The following MTA3 variants were observed in gnomAD, a reference collection of about 807,000 sequenced individuals.
MTA3 encodes the protein metastasis associated 1 family member 3.
A neutral mutation model predicts 83.5 loss-of-function variants in MTA3; 34 were observed. That is an observed-to-expected ratio of 0.41 (90% CI 0.31 to 0.54). The LOEUF is 0.54. Among genes scored for constraint, MTA3 ranks in the 20% least tolerant of loss-of-function variants. MTA3 has a pLI of 0.33. For synonymous variants in MTA3, 303 were observed against 252.7 expected (o/e 1.20, Z -1.89); for missense variants, 761 against 726.4 (o/e 1.05, Z -0.55).
At chr2:42,588,581 T>C (rs1680605252) in intron 3 of MTA3, among the ~76,000 whole-genome samples, 1 of 152,212 alleles carries the variant, frequency 6.6e-6, no homozygotes, top group African/African-American at 2.4e-5. Context: ...TTTAGGTTTT[T>C]TAACAAGTCA....
chr2:42,520,581 CCT>C (rs1675379147), intron 2 of MTA3, among the ~76,000 whole-genome samples: 1 of 151,934 alleles, frequency 6.6e-6, no homozygotes, highest in Non-Finnish European at 1.5e-5. Context: ...TTTTGTTCCT[CCT>C]TTTTTTTTTC....
chr2:42,550,100 A>C (rs1306402276), intron 2 of MTA3, among the ~76,000 whole-genome samples: 1 of 152,154 alleles, frequency 6.6e-6, no homozygotes, highest in Non-Finnish European at 1.5e-5. Flanking sequence ...AAAAGGTGAA[A>C]GTTCTCAGCT....
chr2:42,653,419 A>G (rs936970690), intron 6 of MTA3, among the ~76,000 whole-genome samples: 1 of 152,222 alleles, frequency 6.6e-6, no homozygotes, highest in Non-Finnish European at 1.5e-5. Context: ...CGTAGCTGAA[A>G]AAAACTTAAT....
chr2:42,645,140 C>G (rs183876123), intron 6 of MTA3, among the ~76,000 whole-genome samples: 268 of 145,940 alleles, frequency 1.8e-3, no homozygotes, highest in African/African-American at 6.6e-3. Flanking sequence ...TGCTACTCCA[C>G]ACTCCAGCCT....
intron 4 of MTA3, among the ~76,000 whole-genome samples, chr2:42,623,903 G>A (rs1015843506): frequency 2.6e-5 from 4 of 152,154 alleles, no homozygotes; most frequent in Non-Finnish European, 5.9e-5. Flanking sequence ...ATGGTGGCCA[G>A]CTGGTCTCGA....
intron 3 of MTA3, among the ~76,000 whole-genome samples, chr2:42,586,991 C>A (rs1680409243): frequency 6.6e-6 from 1 of 152,082 alleles, no homozygotes; most frequent in Non-Finnish European, 1.5e-5. Context: ...CCACTGCACT[C>A]CAGCCTGGTG....
At chr2:42,621,376 A>G (rs538568699) in intron 4 of MTA3, among the ~76,000 whole-genome samples, 3 of 152,304 alleles carry the variant, frequency 2.0e-5, no homozygotes, top group Admixed American at 2.0e-4. Context: ...AACAAAGCAC[A>G]TCTTGCACCG....
At chr2:42,710,112 A>T (rs189209729) in intron 14 of MTA3, among the ~76,000 whole-genome samples, 4 of 152,362 alleles carry the variant, frequency 2.6e-5, no homozygotes, top group African/African-American at 9.6e-5. Context: ...TTACTATGAA[A>T]TGTTCCCCTT....
chr2:42,549,521 T>C (rs1361158078), intron 2 of MTA3, among the ~76,000 whole-genome samples: 1 of 109,530 alleles, frequency 9.1e-6, no homozygotes, highest in Non-Finnish European at 1.7e-5. Context: ...ATATATGATA[T>C]AATATATAAT....
chr2:42,553,870 CAAAAA>C lies in MTA3; in HGVS notation c.-140-16554_-140-16550del, dbSNP rs34637052. On this transcript the variant is annotated intron_variant, in intron 2 of 17. Coordinates refer to the MTA3 transcript ENST00000405592. ...TGGGCGACAGAGCAAGACTCCATCT[CAAAAA>C]AAAAAAAAAAAAGAAAAAAAAACGA... is the stretch of plus-strand genomic sequence containing the variant. Among the ~76,000 whole-genome samples, 85 of 90,170 alleles carry C rather than the reference CAAAAA, an allele frequency of 9.4e-4. No individual in the cohort carries two copies. In the Middle Eastern group the frequency reaches 0.02, roughly 21 times the overall value. 59.2% of individuals were successfully genotyped at this position (90,170 alleles called of 152,430 possible).
At chr2:42,584,707 A>G (rs1030367294) in intron 3 of MTA3, among the ~76,000 whole-genome samples, 3 of 152,004 alleles carry the variant, frequency 2.0e-5, no homozygotes, top group Non-Finnish European at 2.9e-5. Context: ...AACAACAACA[A>G]AAAGAAAAGA....
chr2:42,535,351 C>T (rs1676179156), intron 2 of MTA3, among the ~76,000 whole-genome samples: 1 of 152,076 alleles, frequency 6.6e-6, no homozygotes, highest in South Asian at 2.1e-4. Context: ...GGTGCCATTG[C>T]ACTCCAGCCT....
intron 4 of MTA3, among the ~76,000 whole-genome samples, chr2:42,631,898 C>T (rs1686712324): frequency 1.3e-5 from 2 of 152,012 alleles, no homozygotes. Flanking sequence ...CCATGTTGGC[C>T]AGGCTGGTCT....
chr2:42,663,016 C>T (rs1228050057), intron 8 of MTA3, among the ~76,000 whole-genome samples: 1 of 152,148 alleles, frequency 6.6e-6, no homozygotes, highest in Non-Finnish European at 1.5e-5. Flanking sequence ...AGGTGTGAGC[C>T]ACTGTGCCTG....
intron 2 of MTA3, among the ~76,000 whole-genome samples, chr2:42,547,228 T>A (rs894206164): frequency 1.1e-4 from 17 of 152,176 alleles, no homozygotes; most frequent in African/African-American, 4.1e-4. Context: ...ATTCAGAGAC[T>A]CCAGCCACGT....
chr2:42,629,060 A>C (rs1686409503), intron 4 of MTA3, among the ~76,000 whole-genome samples: 1 of 152,134 alleles, frequency 6.6e-6, no homozygotes. Flanking sequence ...GGGATCCAAA[A>C]GCAGTGGATG....
At chr2:42,738,949 T>A (rs1432342788) in intron 16 of MTA3, among the ~76,000 whole-genome samples, 1 of 152,220 alleles carries the variant, frequency 6.6e-6, no homozygotes, top group East Asian at 1.9e-4. Context: ...CCTGATAAGA[T>A]GTTATCAATG....
At chr2:42,580,737 A>G (rs1679526851) in intron 3 of MTA3, among the ~76,000 whole-genome samples, 1 of 152,046 alleles carries the variant, frequency 6.6e-6, no homozygotes. Flanking sequence ...CTGGGATTAC[A>G]GGCATGCACC....
chr2:42,685,747 G>A (rs1204726427), intron 9 of MTA3, among the ~76,000 whole-genome samples: 3 of 152,162 alleles, frequency 2.0e-5, no homozygotes, highest in Non-Finnish European at 2.9e-5. Context: ...GGCTACTTGT[G>A]TCAAACCCTT....
Sources: gnomAD v4.1 joint callset for allele counts (sites outside exome capture counted in the v4.1 genomes callset) on GRCh38, gnomAD v4.1.1 for gene constraint, MANE v1.5 for transcripts, NCBI Gene and HGNC (gene_info 2026-07-23, HGNC 2026-07-21) for gene names.